WDFY2: variants seen among roughly 807,000 people sequenced by gnomAD.
WDFY2 encodes the protein WD repeat and FYVE domain-containing protein 2.
Under a neutral mutation model 56.4 loss-of-function variants are expected in WDFY2, and 36 were observed. The observed-to-expected ratio is 0.64, with a 90% CI of 0.49 to 0.84. The LOEUF (loss-of-function observed/expected upper bound fraction) is 0.84, where lower values mean the gene tolerates loss of function less well. Among genes scored for constraint, WDFY2 ranks in the 40% least tolerant of loss-of-function variants. The probability of loss-of-function intolerance (pLI) is 0.00; values close to 1 mark genes in which losing one functional copy is unlikely to be tolerated. For synonymous variants in WDFY2, 176 were observed against 183.7 expected, an observed-to-expected ratio of 0.96 and a Z score of 0.34; for missense variants, 444 against 512.2, an observed-to-expected ratio of 0.87 and a Z score of 1.29.
chr13:51,687,535 A>G (rs1274837996), intron 3 of WDFY2, among the ~76,000 whole-genome samples: 1 of 151,908 alleles, frequency 6.6e-6, no homozygotes, highest in Non-Finnish European at 1.5e-5. Flanking sequence ...AAGAGTGTTT[A>G]AGGCAGAGTA....
chr13:51,681,170 A>T (rs1428651538), intron 3 of WDFY2, among the ~76,000 whole-genome samples: 2 of 152,178 alleles, frequency 1.3e-5, no homozygotes, highest in Non-Finnish European at 2.9e-5. Flanking sequence ...AGTTGACTGT[A>T]CAGTTAGTTC....
intron 7 of WDFY2, among the ~76,000 whole-genome samples, chr13:51,745,851 G>T (rs1953086095): frequency 6.7e-6 from 1 of 148,862 alleles, no homozygotes; most frequent in African/African-American, 2.5e-5. Flanking sequence ...ACTCGGATTT[G>T]TTTTGCATAT....
chr13:51,611,389 T>A (rs1954500822), intron 1 of WDFY2, among the ~76,000 whole-genome samples: 4 of 152,186 alleles, frequency 2.6e-5, no homozygotes, highest in East Asian at 3.8e-4. Flanking sequence ...GTGATTTTTT[T>A]AAAAAAAGAA....
At chr13:51,686,754 A>G (rs1211412686) in intron 3 of WDFY2, among the ~76,000 whole-genome samples, 3 of 152,168 alleles carry the variant, frequency 2.0e-5, no homozygotes, top group Non-Finnish European at 4.4e-5. Flanking sequence ...TATTAACCCA[A>G]GAAGTAAAGC....
At chr13:51,616,194 A>G (rs1593882411) in intron 1 of WDFY2, among the ~76,000 whole-genome samples, 1 of 152,148 alleles carries the variant, frequency 6.6e-6, no homozygotes, top group East Asian at 1.9e-4. Flanking sequence ...TTGTGATTGT[A>G]TCACTGCGCT....
chr13:51,592,177 T>G (rs1384408322), intron 1 of WDFY2: 1 of 152,154 alleles, frequency 6.6e-6, no homozygotes, highest in African/African-American at 2.4e-5. Context: ...ATTAGGAATG[T>G]ACCAAATTGA....
In WDFY2 at chr13:51,604,443, A is replaced by G. The variant is rs556322273; in HGVS notation, c.137+19619A>G. 9.2e-5 allele frequency among the ~76,000 whole-genome samples: 14 copies of G among 152,288 alleles called. No homozygotes were observed. The South Asian group carries it at 2.7e-3, about 29-fold the overall frequency. ...TAGTCAAGAAACAGGAATGTCCCCA[A>G]AAACCTAAGGAAAGGGCAGTTTATT... On this transcript the variant is annotated intron_variant, in intron 1 of 11. Coordinates refer to ENST00000298125, the MANE Select transcript of WDFY2 (RefSeq NM_052950.4).
intron 1 of WDFY2, among the ~76,000 whole-genome samples, chr13:51,636,725 G>A (rs1466279620): frequency 6.6e-6 from 1 of 152,196 alleles, no homozygotes; most frequent in Non-Finnish European, 1.5e-5. Flanking sequence ...ATACATGTGA[G>A]TGAGATCACT....
intron 2 of WDFY2, among the ~76,000 whole-genome samples, chr13:51,671,776 CTTTTT>C (rs564584742): frequency 1.6e-5 from 1 of 61,996 alleles, no homozygotes; most frequent in African/African-American, 7.2e-5. Context: ...GTTGCATTTG[CTTTTT>C]TTTTTTTTTT....
chr13:51,653,806 G>C (rs1006373529), intron 1 of WDFY2, among the ~76,000 whole-genome samples: 2 of 152,200 alleles, frequency 1.3e-5, no homozygotes, highest in Non-Finnish European at 2.9e-5. Context: ...TGAGGTGTCA[G>C]TCTGCCCCTA....
chr13:51,701,680 T>C (rs942344744), intron 3 of WDFY2, among the ~76,000 whole-genome samples: 4 of 152,206 alleles, frequency 2.6e-5, no homozygotes, highest in Admixed American at 2.6e-4. Flanking sequence ...TATTAAATCC[T>C]AAATGCAAAC....
At chr13:51,739,569 AC>A (rs1234059023) in intron 7 of WDFY2, among the ~76,000 whole-genome samples, 1 of 152,240 alleles carries the variant, frequency 6.6e-6, no homozygotes, top group African/African-American at 2.4e-5. Flanking sequence ...TTGGCAGCAT[AC>A]GGAAAAGAGG....
At chr13:51,690,745 G>A (rs1420355679) in intron 3 of WDFY2, among the ~76,000 whole-genome samples, 1 of 152,144 alleles carries the variant, frequency 6.6e-6, no homozygotes, top group Non-Finnish European at 1.5e-5. Flanking sequence ...GGTATTTCCA[G>A]TTCTAGATCC....
chr13:51,641,104 A>G (rs1258178368), intron 1 of WDFY2, among the ~76,000 whole-genome samples: 1 of 151,786 alleles, frequency 6.6e-6, no homozygotes, highest in Non-Finnish European at 1.5e-5. Context: ...ACGGAGTCTC[A>G]CTCTGTTGCC....
intron 7 of WDFY2, among the ~76,000 whole-genome samples, chr13:51,739,955 G>C (rs1400378622): frequency 6.6e-6 from 1 of 152,162 alleles, no homozygotes; most frequent in African/African-American, 2.4e-5. Flanking sequence ...CAACTCTAGT[G>C]CTCATCTGAA....
rs1836023242 is a variant in WDFY2 at position 51,714,696 on chromosome 13, C to T, written c.335-4502C>T. The stretch of plus-strand genomic sequence containing the variant: ...TTAAATATAAAGTTACGTTGTGACA[C>T]AGCATTTTCACTCCTAGTTATGTAC... On this transcript the variant is annotated intron_variant, in intron 4 of 11. Coordinates refer to ENST00000298125, the MANE Select transcript of WDFY2 (RefSeq NM_052950.4). Among the ~76,000 whole-genome samples, 3 of 152,200 alleles carry T rather than the reference C, an allele frequency of 2.0e-5. No individual in the cohort carries two copies. The South Asian group carries it at 6.2e-4, about 31-fold the overall frequency.
intron 1 of WDFY2, among the ~76,000 whole-genome samples, chr13:51,646,829 G>T (rs1435275355): frequency 6.6e-6 from 1 of 152,190 alleles, no homozygotes; most frequent in Non-Finnish European, 1.5e-5. Context: ...AGGCTAGGAT[G>T]GGTAGGGGCA....
intron 3 of WDFY2, 72 bp downstream of exon 3, chr13:51,675,315 G>GT: frequency 7.3e-7 from 1 of 1,363,486 alleles, no homozygotes; most frequent in Non-Finnish European, 1.0e-6. Context: ...GTATTTATTA[G>GT]TTTTTTCAAG....
chr13:51,628,528 C>G (rs1954882305), intron 1 of WDFY2, among the ~76,000 whole-genome samples: 1 of 152,202 alleles, frequency 6.6e-6, no homozygotes, highest in Non-Finnish European at 1.5e-5. Flanking sequence ...GCACCGGTTT[C>G]CCATCCCACC....
Sources: gnomAD v4.1 joint callset for allele counts (sites outside exome capture counted in the v4.1 genomes callset) on GRCh38, gnomAD v4.1.1 for gene constraint, MANE v1.5 for transcripts, NCBI Gene and HGNC (gene_info 2026-07-23, HGNC 2026-07-21) for gene names.